KCNAB1: variants seen among roughly 807,000 people sequenced by gnomAD.
The protein encoded by KCNAB1 is voltage-gated potassium channel subunit beta-1.
Under a neutral mutation model 64.6 loss-of-function variants are expected in KCNAB1, and 35 were observed. The ratio of observed to expected loss-of-function variants is 0.54; its 90% confidence interval spans 0.41 to 0.72. KCNAB1 has a LOEUF of 0.72. KCNAB1 is among the 30% of genes least tolerant of loss of function. The pLI is 0.00. For missense variants in KCNAB1, 401 were observed against 512.9 expected (o/e 0.78, Z 2.11); for synonymous variants, 177 against 183.8 (o/e 0.96, Z 0.30).
At chr3:156,252,202 CAT>C (rs1717870240) in intron 1 of KCNAB1, among the ~76,000 whole-genome samples, 1 of 152,230 alleles carries the variant, frequency 6.6e-6, no homozygotes, top group South Asian at 2.1e-4. Context: ...ATGCAGGAAA[CAT>C]GTGCTCAGGC....
At chr3:156,356,557 G>T (rs571951663) in intron 1 of KCNAB1, among the ~76,000 whole-genome samples, 7 of 152,164 alleles carry the variant, frequency 4.6e-5, no homozygotes, top group Non-Finnish European at 1.0e-4. Context: ...TCCTCACTAC[G>T]TTTTGTAAAC....
intron 8 of KCNAB1, among the ~76,000 whole-genome samples, chr3:156,512,221 G>T (rs1425466642): frequency 6.6e-6 from 1 of 152,224 alleles, no homozygotes; most frequent in African/African-American, 2.4e-5. Context: ...ACTCACAGAA[G>T]AATCCAGCAA....
intron 1 of KCNAB1, among the ~76,000 whole-genome samples, chr3:156,246,354 C>T (rs1350806487): frequency 2.0e-5 from 3 of 152,034 alleles, no homozygotes; most frequent in Non-Finnish European, 4.4e-5. Flanking sequence ...GCCTGTAATC[C>T]CAGCACTTTG....
chr3:156,159,314 G>A (rs573400157), intron 1 of KCNAB1, among the ~76,000 whole-genome samples: 1 of 152,238 alleles, frequency 6.6e-6, no homozygotes, highest in South Asian at 2.1e-4. Context: ...ATTAGTCTAT[G>A]TCTCAAGTGG....
At chr3:156,271,843 C>A (rs1719056093) in intron 1 of KCNAB1, among the ~76,000 whole-genome samples, 1 of 152,192 alleles carries the variant, frequency 6.6e-6, no homozygotes, top group Admixed American at 6.5e-5. Flanking sequence ...CTTGGGAAGG[C>A]TTTCCAGGTA....
At position 156,190,891 on chromosome 3, in the gene KCNAB1, C is replaced by A. The variant is rs531492730; in HGVS notation, c.275+70005C>A. Among the ~76,000 whole-genome samples, 12 of 152,238 alleles carry A rather than the reference C, an allele frequency of 7.9e-5. No homozygotes were observed. The South Asian group carries it at 1.2e-3, about 16-fold the overall frequency. On this transcript the variant is annotated intron_variant, in intron 1 of 13. Coordinates refer to ENST00000490337, the MANE Select transcript of KCNAB1 (RefSeq NM_172160.3). ...TATTTTTAGTAGAGACAGGGTTTAG[C>A]CACGTTGGCCAGGCTGGTCTCAAAC... is the stretch of plus-strand genomic sequence containing the variant.
intron 8 of KCNAB1, among the ~76,000 whole-genome samples, chr3:156,493,949 G>A (rs1715820368): frequency 6.6e-6 from 1 of 152,050 alleles, no homozygotes; most frequent in South Asian, 2.1e-4. Flanking sequence ...TGGTTTTATG[G>A]TGGTACCTAC....
upstream of KCNAB1, among the ~76,000 whole-genome samples, chr3:156,119,848 A>G (rs1713239225): frequency 6.6e-6 from 1 of 152,130 alleles, no homozygotes; most frequent in African/African-American, 2.4e-5. Context: ...ATACACATCC[A>G]TGCACATACA....
intron 1 of KCNAB1, among the ~76,000 whole-genome samples, chr3:156,237,953 C>A (rs1716941814): frequency 6.6e-6 from 1 of 152,132 alleles, no homozygotes; most frequent in South Asian, 2.1e-4. Flanking sequence ...TAGAACAGTG[C>A]TAGCCCAGAG....
intron 1 of KCNAB1, among the ~76,000 whole-genome samples, chr3:156,285,281 CA>C (rs1398651134): frequency 2.0e-5 from 3 of 152,028 alleles, no homozygotes; most frequent in Admixed American, 6.6e-5. Flanking sequence ...ATCTCTTATC[CA>C]AAGACATGGC....
intron 1 of KCNAB1, among the ~76,000 whole-genome samples, chr3:156,361,666 G>A (rs922954213): frequency 1.3e-5 from 2 of 152,020 alleles, no homozygotes; most frequent in African/African-American, 2.4e-5. Context: ...TTGAGATAGG[G>A]TCTCTCTTGG....
chr3:156,357,099 T>G (rs1392975653), intron 1 of KCNAB1, among the ~76,000 whole-genome samples: 1 of 152,124 alleles, frequency 6.6e-6, no homozygotes, highest in Non-Finnish European at 1.5e-5. Context: ...TGCATGAGCA[T>G]GTACTCATAC....
chr3:156,127,163 T>C (rs963440862), intron 1 of KCNAB1, among the ~76,000 whole-genome samples: 2 of 152,216 alleles, frequency 1.3e-5, no homozygotes, highest in African/African-American at 4.8e-5. Context: ...TGGAACATAG[T>C]GGACAGCATC....
intron 1 of KCNAB1, among the ~76,000 whole-genome samples, chr3:156,226,848 T>C (rs945995944): frequency 3.3e-5 from 5 of 152,216 alleles, no homozygotes; most frequent in African/African-American, 1.2e-4. Flanking sequence ...TAAGCACCAT[T>C]AATAGTCCTG....
intron 1 of KCNAB1, among the ~76,000 whole-genome samples, chr3:156,338,012 T>G (rs1723829930): frequency 6.6e-6 from 1 of 152,170 alleles, no homozygotes; most frequent in African/African-American, 2.4e-5. Context: ...GTAACAATTT[T>G]GCTGATGTAT....
At chr3:156,424,087 A>G (rs1465414962) in intron 2 of KCNAB1, among the ~76,000 whole-genome samples, 4 of 152,220 alleles carry the variant, frequency 2.6e-5, no homozygotes, top group East Asian at 3.9e-4. Flanking sequence ...AGTGAAGGAG[A>G]GAAGGTTAAG....
intron 1 of KCNAB1, among the ~76,000 whole-genome samples, chr3:156,287,658 C>T (rs986554476): frequency 2.6e-5 from 4 of 151,930 alleles, no homozygotes; most frequent in Admixed American, 1.3e-4. Context: ...GAAACCCTAT[C>T]TCTACTAAAA....
intron 12 of KCNAB1, among the ~76,000 whole-genome samples, chr3:156,524,725 T>C (rs1322156880): frequency 1.1e-4 from 13 of 119,336 alleles, no homozygotes; most frequent in Non-Finnish European, 1.4e-4. Context: ...CCAGCCTGCG[T>C]GACAGAGCAA....
chr3:156,450,964 A>G (rs1432284070), intron 2 of KCNAB1, among the ~76,000 whole-genome samples: 2 of 152,000 alleles, frequency 1.3e-5, no homozygotes, highest in Non-Finnish European at 2.9e-5. Context: ...CACTAAGAAA[A>G]ATATCAGTAA....
Sources: gnomAD v4.1 joint callset for allele counts (sites outside exome capture counted in the v4.1 genomes callset) on GRCh38, gnomAD v4.1.1 for gene constraint, MANE v1.5 for transcripts, NCBI Gene and HGNC (gene_info 2026-07-23, HGNC 2026-07-21) for gene names.